Variants in PDIA5 observed in about 807,000 individuals in gnomAD.
PDIA5 encodes the protein protein disulfide isomerase family A member 5.
Under a neutral mutation model 77.6 loss-of-function variants are expected in PDIA5, and 58 were observed. The observed-to-expected ratio is 0.75, with a 90% CI of 0.61 to 0.93. The LOEUF (loss-of-function observed/expected upper bound fraction) is 0.93, where lower values mean the gene tolerates loss of function less well. Among genes scored for constraint, PDIA5 ranks in the 40% least tolerant of loss-of-function variants. PDIA5 has a pLI of 0.00. For missense variants in PDIA5, 630 were observed against 647.7 expected (o/e 0.97, Z 0.30); for synonymous variants, 250 against 252.1 (o/e 0.99, Z 0.08).
chr3:123,067,485 G>A (rs544660499), intron 1 of PDIA5: 11 of 380,058 alleles, frequency 2.9e-5, no homozygotes, highest in Admixed American at 1.4e-4. Flanking sequence ...CCACAACTTT[G>A]CGGGGATGCA....
chr3:123,151,986 TGCC>T (rs1935919141), intron 14 of PDIA5, among the ~76,000 whole-genome samples: 1 of 143,642 alleles, frequency 7.0e-6, no homozygotes, highest in African/African-American at 2.8e-5. Context: ...CCTTCCTTCC[TGCC>T]TTCCTGCCTT....
intron 8 of PDIA5, among the ~76,000 whole-genome samples, chr3:123,123,840 G>T (rs1263451003): frequency 2.0e-5 from 3 of 152,222 alleles, no homozygotes; most frequent in Non-Finnish European, 4.4e-5. Flanking sequence ...GGGAGCAGGC[G>T]TGCGGAGTGC....
rs374477364 is a variant in PDIA5, at chr3:123,110,953, C to G, written c.490C>G (p.Arg164Gly). 17 of 1,613,388 alleles carry G rather than the reference C, an allele frequency of 1.1e-5. No individual in the cohort carries two copies. The highest frequency in any genetic ancestry group is 1.4e-5 in the Non-Finnish European group (16 of 1,179,532). Residue 164 changes from arginine to glycine, a missense_variant, in exon 7 of 17, where the codon CGG becomes GGG. Arg to Gly is a moderately radical substitution (Grantham distance 125). Coordinates refer to ENST00000316218, the MANE Select transcript of PDIA5 (RefSeq NM_006810.4). ...VHLDSEKDFRRLLKKEEKPLL... is the reference protein window; with the variant it reads ...VHLDSEKDFRGLLKKEEKPLL... ...TCTTTTTGTGCCTCAGGACTTCAGACGGCTCCTGAAGAAGGAAGAGAAGCC... is the reference window on the plus strand; with the variant it reads ...TCTTTTTGTGCCTCAGGACTTCAGAGGGCTCCTGAAGAAGGAAGAGAAGCC...
intron 16 of PDIA5, 73 bp downstream of exon 16, chr3:123,161,528 G>A: frequency 2.0e-6 from 3 of 1,463,668 alleles, no homozygotes; most frequent in Non-Finnish European, 2.8e-6. Flanking sequence ...CTGAGGAGGG[G>A]CAGCACTGGG....
Position 123,130,631 on chromosome 3 carries a change from G to A in PDIA5, c.910+15G>A. Reference sequence around the variant, plus strand: ...CCACGCCCCATGTGAGTGGAACTTTGCTCCTCCCCCTCCACACCCTCCCCT... The same window carrying A: ...CCACGCCCCATGTGAGTGGAACTTTACTCCTCCCCCTCCACACCCTCCCCT... On this transcript the variant is annotated intron_variant, in intron 11 of 16. Transcript: ENST00000316218. The A allele has an allele frequency of 1.2e-6, 2 of 1,613,580 alleles. No homozygotes were observed. Among genetic ancestry groups the A allele is most frequent in the Non-Finnish European group, 8.5e-7 (1 of 1,179,608 alleles).
chr3:123,134,077 G>T (rs1044343577), intron 11 of PDIA5, among the ~76,000 whole-genome samples: 1 of 151,450 alleles, frequency 6.6e-6, no homozygotes, highest in Admixed American at 6.6e-5. Flanking sequence ...AGGCTGGAGT[G>T]CAGTGGCACA....
intron 5 of PDIA5, among the ~76,000 whole-genome samples, chr3:123,104,429 C>A (rs963953897): frequency 6.6e-6 from 1 of 152,188 alleles, no homozygotes; most frequent in Admixed American, 6.5e-5. Flanking sequence ...CAGGGTTTCT[C>A]CTGGGACCCT....
At chr3:123,120,797 C>T (rs949999197) in intron 8 of PDIA5, among the ~76,000 whole-genome samples, 3 of 152,110 alleles carry the variant, frequency 2.0e-5, no homozygotes, top group Non-Finnish European at 2.9e-5. Flanking sequence ...GCTCTTTCCC[C>T]ACCCCCCACC....
At chr3:123,150,824 G>A (rs1935876530) in intron 14 of PDIA5, among the ~76,000 whole-genome samples, 1 of 152,170 alleles carries the variant, frequency 6.6e-6, no homozygotes, top group Admixed American at 6.5e-5. Context: ...CTGAGCTCCT[G>A]TGCTGTGCTC....
chr3:123,151,197 C>T (rs1391389787), intron 14 of PDIA5, among the ~76,000 whole-genome samples: 1 of 152,174 alleles, frequency 6.6e-6, no homozygotes, highest in South Asian at 2.1e-4. Flanking sequence ...CTCAGCCCCT[C>T]CTTGAGGCAG....
At position 123,067,050 on chromosome 3, in the gene PDIA5, C is replaced by A; in HGVS notation, c.-115C>A. The A allele has an allele frequency of 1.1e-6, 1 of 870,732 alleles. No individual in the cohort carries two copies. The highest frequency in any genetic ancestry group is 1.5e-6 in the Non-Finnish European group (1 of 657,572). The allele number at this position is 870,732 out of a possible 1,614,324, so 53.9% of individuals were successfully genotyped here. A position where few individuals can be genotyped will look rare whatever the true frequency, so the allele number is the denominator to read the frequency against. On this transcript the variant is annotated 5_prime_UTR_variant, in exon 1 of 17. Transcript: ENST00000316218. ...AGACGTGGCACCGGGAACTCGGAGGCGGGGAGCGGCTGGGAAGTGGCCGTG... is the reference window on the plus strand; with the variant it reads ...AGACGTGGCACCGGGAACTCGGAGGAGGGGAGCGGCTGGGAAGTGGCCGTG...
chr3:123,133,942 C>T (rs1935428910), intron 11 of PDIA5, among the ~76,000 whole-genome samples: 1 of 152,028 alleles, frequency 6.6e-6, no homozygotes, highest in Non-Finnish European at 1.5e-5. Flanking sequence ...CAGAGAAAAC[C>T]TGGTCTTTCT....
chr3:123,120,862 C>T (rs1034091862), intron 8 of PDIA5, among the ~76,000 whole-genome samples: 1 of 152,118 alleles, frequency 6.6e-6, no homozygotes, highest in Non-Finnish European at 1.5e-5. Flanking sequence ...ACCCTTCATC[C>T]TCTCCCTGCC....
At chr3:123,112,415 A>G (rs1386110031) in intron 7 of PDIA5, among the ~76,000 whole-genome samples, 3 of 151,298 alleles carry the variant, frequency 2.0e-5, no homozygotes, top group East Asian at 3.9e-4. Flanking sequence ...GGCTCCTCCC[A>G]TCTGTGCCCT....
chr3:123,097,621 C>T (rs768231993), intron 3 of PDIA5, among the ~76,000 whole-genome samples: 2 of 152,198 alleles, frequency 1.3e-5, no homozygotes, highest in African/African-American at 4.8e-5. Flanking sequence ...TAGCCACATT[C>T]TTTCACATCA....
At chr3:123,096,802 G>A (rs557779004) in intron 3 of PDIA5, among the ~76,000 whole-genome samples, 64 of 152,328 alleles carry the variant, frequency 4.2e-4, no homozygotes, top group African/African-American at 1.5e-3. Context: ...CTGTTAAGCG[G>A]GTTGTGTGTG....
chr3:123,090,114 G>A (rs972206021), intron 2 of PDIA5, among the ~76,000 whole-genome samples: 18 of 152,222 alleles, frequency 1.2e-4, no homozygotes, highest in African/African-American at 4.1e-4. Context: ...GGCACCTGGG[G>A]GATGATAGAG....
intron 6 of PDIA5, among the ~76,000 whole-genome samples, chr3:123,107,108 T>C (rs912562869): frequency 1.3e-5 from 2 of 152,284 alleles, no homozygotes; most frequent in Non-Finnish European, 2.9e-5. Flanking sequence ...AGATTTTCCA[T>C]ACATTAATGT....
chr3:123,115,866 C>T (rs1428675810), intron 7 of PDIA5, among the ~76,000 whole-genome samples: 1 of 152,246 alleles, frequency 6.6e-6, no homozygotes, highest in African/African-American at 2.4e-5. Context: ...TTTTGCTGTG[C>T]GTGCAGCAGT....
Sources: gnomAD v4.1 joint callset for allele counts (sites outside exome capture counted in the v4.1 genomes callset) on GRCh38, gnomAD v4.1.1 for gene constraint, MANE v1.5 for transcripts, NCBI Gene and HGNC (gene_info 2026-07-23, HGNC 2026-07-21) for gene names.